PDE10A: variants seen among roughly 807,000 people sequenced by gnomAD.
PDE10A encodes cAMP and cAMP-inhibited cGMP 3',5'-cyclic phosphodiesterase 10A.
A neutral mutation model predicts 97.7 loss-of-function variants in PDE10A; 39 were observed. The observed-to-expected ratio is 0.40, with a 90% CI of 0.31 to 0.52. PDE10A has a LOEUF of 0.52. Ranked by LOEUF, PDE10A falls within the 20% of genes least tolerant of loss-of-function variation. The pLI is 0.56. For missense variants in PDE10A, 731 were observed against 1,047.8 expected, an observed-to-expected ratio of 0.70 and a Z score of 4.17; for synonymous variants, 371 against 376.8, an observed-to-expected ratio of 0.98 and a Z score of 0.18.
chr6:165,857,736 T>A (rs1220273491), intron 1 of PDE10A, among the ~76,000 whole-genome samples: 2 of 88,078 alleles, frequency 2.3e-5, no homozygotes, highest in Non-Finnish European at 5.4e-5. Context: ...TGTGTGTGTG[T>A]GAAGAATGAT....
At chr6:165,679,812 G>T (rs1425640455) in intron 1 of PDE10A, among the ~76,000 whole-genome samples, 2 of 152,138 alleles carry the variant, frequency 1.3e-5, no homozygotes, top group Non-Finnish European at 2.9e-5. Context: ...GTGAAAAGTG[G>T]CATTTCTGGA....
chr6:165,963,893 A>C (rs1202192865), intron 1 of PDE10A, among the ~76,000 whole-genome samples: 1 of 152,164 alleles, frequency 6.6e-6, no homozygotes, highest in Non-Finnish European at 1.5e-5. Context: ...ACTCTGACTG[A>C]CAGCCCCTGG....
intron 1 of PDE10A, among the ~76,000 whole-genome samples, chr6:165,867,345 T>G (rs1781085306): frequency 1.3e-5 from 2 of 149,518 alleles, no homozygotes; most frequent in African/African-American, 2.5e-5. Context: ...TCCACACAAA[T>G]GGGAACCAAA....
chr6:165,608,381 A>G (rs1787327787), intron 1 of PDE10A, among the ~76,000 whole-genome samples: 1 of 151,534 alleles, frequency 6.6e-6, no homozygotes, highest in African/African-American at 2.4e-5. Context: ...TGTCCTTGCG[A>G]TAGTTTGCTG....
chr6:165,565,418 A>C (rs1319265123), intron 1 of PDE10A, among the ~76,000 whole-genome samples: 1 of 152,186 alleles, frequency 6.6e-6, no homozygotes, highest in Non-Finnish European at 1.5e-5. Context: ...ATATGAGAAA[A>C]GCTACAAAAC....
At chr6:165,913,273 T>TACACACACACACACACAC (rs58740333) in intron 1 of PDE10A, among the ~76,000 whole-genome samples, 1 of 147,906 alleles carries the variant, frequency 6.8e-6, no homozygotes, top group African/African-American at 2.5e-5. Flanking sequence ...ACTCAACTTG[T>TACACACACACACACACAC]ACACACACAC....
intron 1 of PDE10A, among the ~76,000 whole-genome samples, chr6:165,728,305 T>C (rs1038602588): frequency 1.3e-5 from 2 of 152,164 alleles, no homozygotes; most frequent in African/African-American, 2.4e-5. Context: ...ACCAGAAACA[T>C]GCAAATCATC....
rs143456867 is a variant in PDE10A at position 165,792,773 on chromosome 6, C to T, written c.-615+194756G>A. Among the ~76,000 whole-genome samples, 29 of 152,280 alleles carry T rather than the reference C, an allele frequency of 1.9e-4. No individual in the cohort carries two copies. In the East Asian group the frequency reaches 2.9e-3, roughly 15 times the overall value. On this transcript the variant is annotated intron_variant, in intron 1 of 19. Transcript: ENST00000366882. The stretch of plus-strand genomic sequence containing the variant: ...CAATGGGATGTCCAACACCCCTATC[C>T]GACCTAACACGGTTAAAAGGTTTGT...
chr6:165,363,085 C>T (rs1355593371), intron 18 of PDE10A, among the ~76,000 whole-genome samples: 1 of 152,276 alleles, frequency 6.6e-6, no homozygotes, highest in Non-Finnish European at 1.5e-5. Context: ...TGATAAAGTT[C>T]ATCTATAAAA....
chr6:165,787,501 A>G (rs901185162), intron 1 of PDE10A, among the ~76,000 whole-genome samples: 2 of 152,192 alleles, frequency 1.3e-5, no homozygotes, highest in African/African-American at 4.8e-5. Flanking sequence ...CATTTTCACC[A>G]TCTCTCCTTT....
At chr6:165,909,790 C>T (rs566803593) in intron 1 of PDE10A, among the ~76,000 whole-genome samples, 35 of 152,280 alleles carry the variant, frequency 2.3e-4, no homozygotes, top group Admixed American at 7.2e-4. Context: ...TGTGGGTGCT[C>T]ATCTCCCAAG....
At chr6:165,888,455 T>C (rs1781689902) in intron 1 of PDE10A, among the ~76,000 whole-genome samples, 1 of 152,042 alleles carries the variant, frequency 6.6e-6, no homozygotes, top group Admixed American at 6.6e-5. Context: ...CTGGCTAGTT[T>C]TTTGTATTTT....
chr6:165,716,872 T>G (rs1292330424), intron 1 of PDE10A, among the ~76,000 whole-genome samples: 1 of 152,218 alleles, frequency 6.6e-6, no homozygotes, highest in African/African-American at 2.4e-5. Context: ...AATTCATCAT[T>G]GTAAGCATTT....
chr6:165,463,143 C>A (rs2322928), intron 3 of PDE10A, among the ~76,000 whole-genome samples: 1 of 152,312 alleles, frequency 6.6e-6, no homozygotes, highest in East Asian at 1.9e-4. Flanking sequence ...AGCCACACTA[C>A]GTTCAGCTGA....
chr6:165,925,500 T>C (rs1006092871), intron 1 of PDE10A, among the ~76,000 whole-genome samples: 1 of 152,238 alleles, frequency 6.6e-6, no homozygotes, highest in African/African-American at 2.4e-5. Context: ...CAAATATCTT[T>C]CAATGGGTGA....
At chr6:165,489,066 G>A (rs759192896) in intron 2 of PDE10A, among the ~76,000 whole-genome samples, 1 of 152,076 alleles carries the variant, frequency 6.6e-6, no homozygotes, top group Non-Finnish European at 1.5e-5. Context: ...ACCCTAGGGC[G>A]AGCTTGTCTT....
chr6:165,397,867 A>G lies in PDE10A; in HGVS notation c.2077-1408T>C, dbSNP rs901330960. On this transcript the variant is annotated intron_variant, in intron 13 of 21. Transcript: ENST00000539869. The stretch of plus-strand genomic sequence containing the variant: ...GATTGTGAAAACCTTATCAGTAAAC[A>G]AATTGTGGCAATGCAAACCCAATGA... 9.2e-5 allele frequency among the ~76,000 whole-genome samples: 14 copies of G among 152,308 alleles called. No homozygotes were observed. In the East Asian group the frequency reaches 2.5e-3, roughly 27 times the overall value.
chr6:165,488,300 T>C (rs1199794127), intron 2 of PDE10A, among the ~76,000 whole-genome samples: 1 of 152,198 alleles, frequency 6.6e-6, no homozygotes, highest in Non-Finnish European at 1.5e-5. Context: ...GATCCAAACC[T>C]CATTTTAATA....
chr6:165,340,551 A>T (rs1781911816), intron 19 of PDE10A, among the ~76,000 whole-genome samples: 1 of 152,274 alleles, frequency 6.6e-6, no homozygotes, highest in South Asian at 2.1e-4. Context: ...GAGACATACT[A>T]AGTCCCTTGC....
Sources: allele counts gnomAD v4.1 joint callset (sites outside exome capture counted in the v4.1 genomes callset), GRCh38; gene constraint gnomAD v4.1.1; transcripts MANE v1.5; gene names NCBI Gene and HGNC (gene_info 2026-07-23, HGNC 2026-07-21).